Variants in DUSP19 observed in about 807,000 individuals in gnomAD.
The protein encoded by DUSP19 is dual specificity phosphatase 19.
Under a neutral mutation model 16.6 loss-of-function variants are expected in DUSP19, and 14 were observed. That is an observed-to-expected ratio of 0.84 (90% CI 0.56 to 1.32). The LOEUF (loss-of-function observed/expected upper bound fraction) is 1.32, where lower values mean the gene tolerates loss of function less well. Ranked by LOEUF, DUSP19 falls within the 40% of genes most tolerant of loss-of-function variation. The pLI is 0.00. For synonymous variants in DUSP19, 81 were observed against 90.5 expected, an observed-to-expected ratio of 0.90 and a Z score of 0.59; for missense variants, 258 against 255.9, an observed-to-expected ratio of 1.01 and a Z score of -0.06.
chr2:183,093,037 A>C (rs1469789178), intron 3 of DUSP19, among the ~76,000 whole-genome samples: 1 of 152,124 alleles, frequency 6.6e-6, no homozygotes, highest in Non-Finnish European at 1.5e-5. Flanking sequence ...ATATAAGGAA[A>C]AACACCTGGG....
intron 1 of DUSP19, among the ~76,000 whole-genome samples, chr2:183,080,774 C>T (rs1199575386): frequency 6.6e-6 from 1 of 152,178 alleles, no homozygotes; most frequent in African/African-American, 2.4e-5. Context: ...CTGAAACTAG[C>T]CCTAATAAGG....
At chr2:183,086,985 T>C (rs1699670995) in intron 2 of DUSP19, 55 bp from the exon 3 acceptor site, 2 of 1,554,968 alleles carry the variant, frequency 1.3e-6, no homozygotes, top group Non-Finnish European at 1.7e-6. Flanking sequence ...AGTCTCTTTT[T>C]AGGTAACCTA....
In DUSP19 at chr2:183,097,631, A is replaced by G. The variant is rs560679834; in HGVS notation, c.*1973A>G. 6.6e-6 allele frequency: 1 copy of G among 152,290 alleles called. No homozygotes were observed. Among genetic ancestry groups the G allele is most frequent in the Admixed American group, 6.5e-5 (1 of 15,292 alleles). 9.4% of individuals were successfully genotyped at this position (152,290 alleles called of 1,614,324 possible). ...TCTGCTAAGAAGCAGTCTAAATATAATCAACGTACAGTGAGCTCTTTGAAG... is the reference window on the plus strand; with the variant it reads ...TCTGCTAAGAAGCAGTCTAAATATAGTCAACGTACAGTGAGCTCTTTGAAG... On this transcript the variant is annotated 3_prime_UTR_variant, in exon 4 of 4. Coordinates refer to ENST00000354221, the MANE Select transcript of DUSP19 (RefSeq NM_080876.4).
chr2:183,079,173 C>G lies in DUSP19; in HGVS notation c.226+14C>G. 1 of 1,607,348 alleles carries G rather than the reference C, an allele frequency of 6.2e-7. No homozygotes were observed. Among genetic ancestry groups the G allele is most frequent in the Non-Finnish European group, 8.5e-7 (1 of 1,175,662 alleles). ...GGTTGCTCCTAGGTGAGTATATCGA[C>G]TTGCCACTAGATCATTGAGTCCTTT... On this transcript the variant is annotated intron_variant, in intron 1 of 3. Transcript: ENST00000354221.
chr2:183,095,684 A>G lies in DUSP19; in HGVS notation c.*26A>G. The G allele has an allele frequency of 1.9e-6, 3 of 1,557,024 alleles. No homozygotes were observed. The South Asian group carries it at 3.5e-5, about 18-fold the overall frequency. On this transcript the variant is annotated 3_prime_UTR_variant, in exon 4 of 4. Coordinates refer to ENST00000354221, the MANE Select transcript of DUSP19 (RefSeq NM_080876.4). ...GTTGCATTGTAGCAGACAATGGACA[A>G]CTGTAGTTTCTGAATTGACTTCTAT... is the stretch of plus-strand genomic sequence containing the variant.
intron 3 of DUSP19, among the ~76,000 whole-genome samples, chr2:183,088,653 G>A (rs953530152): frequency 6.6e-6 from 1 of 151,940 alleles, no homozygotes; most frequent in Non-Finnish European, 1.5e-5. Flanking sequence ...GAACTCCTGA[G>A]CTCAGGCAGA....
At chr2:183,084,827 T>C (rs186835101) in intron 2 of DUSP19, among the ~76,000 whole-genome samples, 1 of 152,158 alleles carries the variant, frequency 6.6e-6, no homozygotes, top group Non-Finnish European at 1.5e-5. Flanking sequence ...AAGATGATAA[T>C]GGCTGAGATT....
chr2:183,093,253 A>C (rs1033444528), intron 3 of DUSP19, among the ~76,000 whole-genome samples: 2 of 152,196 alleles, frequency 1.3e-5, no homozygotes, highest in African/African-American at 4.8e-5. Flanking sequence ...GGTGATTTTG[A>C]ATTTTTGAAA....
intron 1 of DUSP19, 63 bp downstream of exon 1, chr2:183,079,222 C>A (rs184153667): frequency 1.1e-5 from 16 of 1,458,598 alleles, no homozygotes; most frequent in Non-Finnish European, 1.5e-5. Flanking sequence ...TTCTCATTTT[C>A]CCCCTTTATG....
chr2:183,093,424 C>T (rs1699757505), intron 3 of DUSP19, among the ~76,000 whole-genome samples: 1 of 151,890 alleles, frequency 6.6e-6, no homozygotes, highest in Admixed American at 6.6e-5. Flanking sequence ...AGTCTTAGAA[C>T]AGAAGTCAGA....
In DUSP19 at chr2:183,078,857, A is replaced by G; in HGVS notation, c.-77A>G. ...CTGAGGCTGGCTTTGTTACCTGGGC[A>G]ATAAGGGACTAGCAGTTCAGCCGTT... On this transcript the variant is annotated 5_prime_UTR_variant, in exon 1 of 4. Transcript: ENST00000354221. 7.3e-7 allele frequency: 1 copy of G among 1,361,490 alleles called. No individual in the cohort carries two copies. Among genetic ancestry groups the G allele is most frequent in the East Asian group, 2.4e-5 (1 of 40,948 alleles). 84.3% of individuals were successfully genotyped at this position (1,361,490 alleles called of 1,614,324 possible). A position where few individuals can be genotyped will look rare whatever the true frequency, so the allele number is the denominator to read the frequency against.
intron 3 of DUSP19, among the ~76,000 whole-genome samples, chr2:183,094,912 T>G (rs1699777962): frequency 6.6e-6 from 1 of 152,210 alleles, no homozygotes; most frequent in African/African-American, 2.4e-5. Context: ...AGTTATGATT[T>G]TATTTTATGT....
chr2:183,095,654 C>G lies in DUSP19; in HGVS notation c.650C>G (p.Ser217Ter). Residue 217 changes from serine to a stop codon, truncating the protein, a stop_gained, in exon 4 of 4, where the codon TCA becomes TGA. Transcript: ENST00000354221. LOFTEE classifies it high-confidence loss of function. ...NKCDRIQENS[S>*] ...TGTGACAGAATACAGGAGAACAGTTCATGAGTTGCATTGTAGCAGACAATG... is the reference window on the plus strand; with the variant it reads ...TGTGACAGAATACAGGAGAACAGTTGATGAGTTGCATTGTAGCAGACAATG... The G allele has an allele frequency of 6.2e-7, 1 of 1,607,990 alleles. No homozygotes were observed. The highest frequency in any genetic ancestry group is 8.5e-7 in the Non-Finnish European group (1 of 1,175,722).
chr2:183,095,759 T>C lies in DUSP19; in HGVS notation c.*101T>C, dbSNP rs1253277093. 5.5e-5 allele frequency: 48 copies of C among 865,512 alleles called. No individual in the cohort carries two copies. The highest frequency in any genetic ancestry group is 7.8e-5 in the Non-Finnish European group (45 of 576,632). 53.6% of individuals were successfully genotyped at this position (865,512 alleles called of 1,614,324 possible). A position where few individuals can be genotyped will look rare whatever the true frequency, so the allele number is the denominator to read the frequency against. ...AGTAGACTAGCAAAACTCCCTTTTT[T>C]CTCTTGCCTTTTTTATGCATAAATG... On this transcript the variant is annotated 3_prime_UTR_variant, in exon 4 of 4. Transcript: ENST00000354221.
At chr2:183,091,132 T>G (rs1455002575) in intron 3 of DUSP19, among the ~76,000 whole-genome samples, 1 of 152,180 alleles carries the variant, frequency 6.6e-6, no homozygotes, top group Non-Finnish European at 1.5e-5. Context: ...ATAATTTATC[T>G]TATTTCCTGC....
chr2:183,091,372 A>G (rs1424574190), intron 3 of DUSP19, among the ~76,000 whole-genome samples: 2 of 152,160 alleles, frequency 1.3e-5, no homozygotes, highest in African/African-American at 2.4e-5. Flanking sequence ...GAGCAAAAGC[A>G]GGGATTTATT....
chr2:183,082,589 A>T (rs1365203330), intron 1 of DUSP19, among the ~76,000 whole-genome samples: 4 of 151,670 alleles, frequency 2.6e-5, no homozygotes, highest in African/African-American at 7.3e-5. Flanking sequence ...ATGCCCAGCT[A>T]ATTTTTGTAT....
Position 183,098,665 on chromosome 2 carries a change from A to G in DUSP19, c.*3007A>G, listed in dbSNP as rs1381192794. The stretch of plus-strand genomic sequence containing the variant: ...ATGAAAACAGCATGTCTTTTTAAAC[A>G]TTGAAAAGAAATATGGAGGCTTTAA... On this transcript the variant is annotated 3_prime_UTR_variant, in exon 4 of 4. Transcript: ENST00000354221. 2.0e-5 allele frequency: 3 copies of G among 152,216 alleles called. No homozygotes were observed. Among genetic ancestry groups the G allele is most frequent in the Non-Finnish European group, 4.4e-5 (3 of 68,032 alleles). 9.4% of individuals were successfully genotyped at this position (152,216 alleles called of 1,614,324 possible).
Position 183,082,836 on chromosome 2 carries a change from T to C in DUSP19, c.227-672T>C, listed in dbSNP as rs149059218. On this transcript the variant is annotated intron_variant, in intron 1 of 3. Transcript: ENST00000354221. ...TTCGTTCGTTCGTTCGTTCCTTCCT[T>C]CCTCCCTCCCTCCCTCCCTCCCTCC... 1.7e-4 allele frequency among the ~76,000 whole-genome samples: 25 copies of C among 144,448 alleles called. No individual in the cohort carries two copies. In the East Asian group the frequency reaches 2.4e-3, roughly 14 times the overall value. The allele number at this position is 144,448 out of a possible 152,430, so 94.8% of individuals were successfully genotyped here.
Sources: gnomAD v4.1 joint callset for allele counts (sites outside exome capture counted in the v4.1 genomes callset) on GRCh38, gnomAD v4.1.1 for gene constraint, MANE v1.5 for transcripts, NCBI Gene and HGNC (gene_info 2026-07-23, HGNC 2026-07-21) for gene names.